The following TBC1D5 variants were observed in gnomAD, a reference collection of about 807,000 sequenced individuals.
The protein encoded by TBC1D5 is TBC1 domain family member 5.
In TBC1D5, 75 loss-of-function variants were observed where a neutral mutation model predicts 100.3. The ratio of observed to expected loss-of-function variants is 0.75; its 90% CI spans 0.62 to 0.91. The LOEUF is 0.91. Ranked by LOEUF, TBC1D5 falls within the 40% of genes least tolerant of loss-of-function variation. The probability of loss-of-function intolerance (pLI) is 0.00; values close to 1 mark genes in which losing one functional copy is unlikely to be tolerated. For missense variants in TBC1D5, 910 were observed against 942.4 expected, an observed-to-expected ratio of 0.97 and a Z score of 0.45; for synonymous variants, 323 against 325.6, an observed-to-expected ratio of 0.99 and a Z score of 0.09.
intron 9 of TBC1D5, among the ~76,000 whole-genome samples, chr3:17,378,902 T>C (rs1016170948): frequency 7.9e-5 from 12 of 151,960 alleles, no homozygotes; most frequent in Middle Eastern, 3.4e-3. Flanking sequence ...ATTCAATCTA[T>C]TCAATAAGCT....
intron 2 of TBC1D5, among the ~76,000 whole-genome samples, chr3:17,529,678 G>C (rs1292162241): frequency 1.3e-5 from 2 of 151,528 alleles, no homozygotes; most frequent in Non-Finnish European, 2.9e-5. Context: ...ACAGAGTCTT[G>C]TTCTGTCGGC....
intron 13 of TBC1D5, among the ~76,000 whole-genome samples, chr3:17,344,179 C>A (rs531184549): frequency 6.6e-6 from 1 of 152,160 alleles, no homozygotes; most frequent in Non-Finnish European, 1.5e-5. Context: ...ATTGTCTCAG[C>A]CCAAAATCTC....
intron 1 of TBC1D5, among the ~76,000 whole-genome samples, chr3:17,698,712 C>A (rs931056666): frequency 9.5e-4 from 143 of 150,240 alleles, no homozygotes; most frequent in African/African-American, 3.3e-3. Flanking sequence ...AAACAAACAA[C>A]CCCATCAAAA....
chr3:17,593,014 C>T (rs1482556176), intron 2 of TBC1D5, among the ~76,000 whole-genome samples: 1 of 152,122 alleles, frequency 6.6e-6, no homozygotes, highest in East Asian at 1.9e-4. Flanking sequence ...ATTATATCAT[C>T]AAATCCAAGT....
intron 1 of TBC1D5, among the ~76,000 whole-genome samples, chr3:17,723,610 G>A (rs567004196): frequency 4.8e-4 from 73 of 152,246 alleles, no homozygotes; most frequent in African/African-American, 1.7e-3. Context: ...AACTCTGCCA[G>A]TACACTCGTG....
intron 2 of TBC1D5, among the ~76,000 whole-genome samples, chr3:17,583,187 A>C (rs1049793514): frequency 6.6e-6 from 1 of 152,054 alleles, no homozygotes; most frequent in African/African-American, 2.4e-5. Context: ...TGAGACGCTG[A>C]GGTAAGAGGA....
At chr3:17,449,083 AG>A (rs966619299) in intron 3 of TBC1D5, among the ~76,000 whole-genome samples, 8 of 152,158 alleles carry the variant, frequency 5.3e-5, no homozygotes, top group Non-Finnish European at 8.8e-5. Flanking sequence ...CAGCCCACCG[AG>A]GGTGAGCAGA....
intron 8 of TBC1D5, among the ~76,000 whole-genome samples, chr3:17,385,145 T>C (rs1218835395): frequency 6.6e-6 from 1 of 152,118 alleles, no homozygotes; most frequent in Non-Finnish European, 1.5e-5. Context: ...ATAACAATAC[T>C]GATCTTGTGA....
At chr3:17,636,232 A>G (rs1032021974) in intron 1 of TBC1D5, among the ~76,000 whole-genome samples, 2 of 152,128 alleles carry the variant, frequency 1.3e-5, no homozygotes, top group Non-Finnish European at 2.9e-5. Context: ...AACAGCATAT[A>G]AGCATATTGA....
intron 13 of TBC1D5, among the ~76,000 whole-genome samples, chr3:17,351,786 A>G (rs2090611966): frequency 6.8e-6 from 1 of 146,230 alleles, no homozygotes; most frequent in Non-Finnish European, 1.5e-5. Context: ...TTTCTTTAGT[A>G]GGGAGAAAAA....
intron 8 of TBC1D5, among the ~76,000 whole-genome samples, chr3:17,402,770 G>C (rs905580184): frequency 2.0e-5 from 3 of 152,118 alleles, no homozygotes; most frequent in Admixed American, 1.3e-4. Context: ...AAGAAGAGAA[G>C]TGAGGATAAG....
chr3:17,455,800 T>C (rs1486333249), intron 3 of TBC1D5, among the ~76,000 whole-genome samples: 2 of 152,120 alleles, frequency 1.3e-5, no homozygotes, highest in African/African-American at 2.4e-5. Flanking sequence ...ACTGCACTAC[T>C]GCATTCCAGC....
chr3:17,734,919 C>G (rs1560584860), intron 1 of TBC1D5, among the ~76,000 whole-genome samples: 1 of 120,070 alleles, frequency 8.3e-6, no homozygotes, highest in Non-Finnish European at 1.7e-5. Context: ...GACATGGTCT[C>G]TACGACAAAA....
chr3:17,328,345 T>C (rs778052996), intron 13 of TBC1D5, among the ~76,000 whole-genome samples: 2 of 152,094 alleles, frequency 1.3e-5, no homozygotes, highest in African/African-American at 2.4e-5. Flanking sequence ...TGAGATGAGA[T>C]AGCTGTTTTT....
rs1169811994 is a variant in TBC1D5 at position 17,380,039 on chromosome 3, CTGTGTATGTGTGTG to C, written c.613-3440_613-3427del. On this transcript the variant is annotated intron_variant, in intron 9 of 21. Coordinates refer to ENST00000253692, the Ensembl canonical transcript of TBC1D5. ...AAGAATGGACACTGTACAGCTGTGA[CTGTGTATGTGTGTG>C]TGTGTGTGTGTGTGTGTGTGTGTGT... 4.1e-3 allele frequency among the ~76,000 whole-genome samples: 413 copies of C among 100,128 alleles called. 3 individuals carry two copies. The highest frequency in any genetic ancestry group is 0.011 in the African/African-American group (349 of 30,758). 65.7% of individuals were successfully genotyped at this position (100,128 alleles called of 152,430 possible).
chr3:17,522,785 T>A (rs1339037346), intron 2 of TBC1D5, among the ~76,000 whole-genome samples: 5 of 152,174 alleles, frequency 3.3e-5, no homozygotes, highest in Admixed American at 2.6e-4. Flanking sequence ...AGTACCGTAA[T>A]AGAATGTCTA....
At chr3:17,158,130 T>C (rs1264003597) in exon 22 of TBC1D5, 6 of 152,240 alleles carry the variant, frequency 3.9e-5, no homozygotes, top group Non-Finnish European at 7.3e-5. Flanking sequence ...GTAATTAGAC[T>C]TGCTAGTCTG....
At chr3:17,230,215 G>T (rs976422503) in intron 17 of TBC1D5, among the ~76,000 whole-genome samples, 3 of 151,906 alleles carry the variant, frequency 2.0e-5, no homozygotes, top group Admixed American at 6.6e-5. Flanking sequence ...TCCTACTCTG[G>T]TTGACTTGAC....
chr3:17,333,759 G>T (rs1313556992), intron 13 of TBC1D5, among the ~76,000 whole-genome samples: 4 of 152,102 alleles, frequency 2.6e-5, no homozygotes, highest in South Asian at 2.1e-4. Flanking sequence ...AGAAGTGTTA[G>T]ATGTTTAAGA....
Sources: allele counts gnomAD v4.1 joint callset (sites outside exome capture counted in the v4.1 genomes callset), GRCh38; gene constraint gnomAD v4.1.1; transcripts MANE v1.5; gene names NCBI Gene and HGNC (gene_info 2026-07-23, HGNC 2026-07-21).